The following CDH4 variants were observed in gnomAD, a reference collection of about 807,000 sequenced individuals.
The protein encoded by CDH4 is cadherin 4, also known as cadherin-4.
CDH4 carries 33 observed loss-of-function variants against 86.0 expected under a neutral mutation model. That is an observed-to-expected ratio of 0.38 (90% confidence interval 0.29 to 0.51). The LOEUF (loss-of-function observed/expected upper bound fraction) is 0.51. Ranked by LOEUF, CDH4 falls within the 20% of genes least tolerant of loss-of-function variation. The pLI is 0.86. For synonymous variants in CDH4, 555 were observed against 549.4 expected (o/e 1.01, Z -0.14); for missense variants, 1,114 against 1,307.4 (o/e 0.85, Z 2.28).
At chr20:61,403,555 A>G (rs771748128) in intron 2 of CDH4, among the ~76,000 whole-genome samples, 6 of 152,064 alleles carry the variant, frequency 3.9e-5, no homozygotes, top group Non-Finnish European at 8.8e-5. Context: ...CTCAAATCAA[A>G]TCATCGTGGA....
intron 2 of CDH4, among the ~76,000 whole-genome samples, chr20:61,364,380 C>T (rs994167376): frequency 1.3e-5 from 2 of 152,186 alleles, no homozygotes; most frequent in Non-Finnish European, 2.9e-5. Context: ...CCTCACACCC[C>T]GAGATCAGGC....
At chr20:61,318,247 C>G (rs956111448) in intron 2 of CDH4, among the ~76,000 whole-genome samples, 2 of 152,198 alleles carry the variant, frequency 1.3e-5, no homozygotes, top group African/African-American at 4.8e-5. Context: ...CCGTATGTTC[C>G]TCTCCATCTG....
intron 2 of CDH4, among the ~76,000 whole-genome samples, chr20:61,589,205 T>C (rs1410875978): frequency 3.9e-5 from 6 of 152,224 alleles, no homozygotes; most frequent in Non-Finnish European, 8.8e-5. Flanking sequence ...CCAAATAGGC[T>C]TCCCAGAGTG....
chr20:61,663,284 G>A lies in CDH4; in HGVS notation c.170-80279G>A, dbSNP rs531977977. Among the ~76,000 whole-genome samples, 9 of 152,338 alleles carry A rather than the reference G, an allele frequency of 5.9e-5. No individual in the cohort carries two copies. The highest frequency in any genetic ancestry group is 4.1e-4 in the South Asian group (2 of 4,822). On this transcript the variant is annotated intron_variant, in intron 2 of 15. Transcript: ENST00000614565. The surrounding 1 kb of genome is among the most constrained non-coding windows in gnomAD (Gnocchi z 5.0). ...TGGCGCCCACGACAAATGAGTCCAC[G>A]CAGGAAAGGAGTGGCACCCGCAGGA...
chr20:61,724,584 G>A (rs1162058140), intron 2 of CDH4, among the ~76,000 whole-genome samples: 1 of 152,192 alleles, frequency 6.6e-6, no homozygotes, highest in African/African-American at 2.4e-5. Flanking sequence ...AGAGATGAGG[G>A]TGTCTCCTGC....
chr20:61,900,117 G>GT (rs1985319576), intron 8 of CDH4, among the ~76,000 whole-genome samples: 1 of 152,200 alleles, frequency 6.6e-6, no homozygotes, highest in African/African-American at 2.4e-5. Context: ...CAGCGGGGGG[G>GT]ACTGGCTGGG....
intron 2 of CDH4, among the ~76,000 whole-genome samples, chr20:61,616,708 C>A (rs1464206153): frequency 2.0e-5 from 3 of 152,224 alleles, no homozygotes; most frequent in Non-Finnish European, 4.4e-5. Flanking sequence ...TCTCTCCATT[C>A]TTGCTCTTCC....
intron 2 of CDH4, chr20:61,570,440 G>A (rs1166442833): frequency 1.9e-6 from 1 of 538,058 alleles, no homozygotes; most frequent in East Asian, 3.1e-5. Context: ...CCCTGGTGCT[G>A]CCTTGAGCTT....
intron 4 of CDH4, among the ~76,000 whole-genome samples, chr20:61,790,002 G>T (rs145572763): frequency 1.3e-4 from 20 of 152,092 alleles, no homozygotes; most frequent in African/African-American, 4.6e-4. Flanking sequence ...AAAGTATGAC[G>T]GGGTGAACAG....
At chr20:61,672,035 G>A (rs555478224) in intron 2 of CDH4, among the ~76,000 whole-genome samples, 1 of 139,922 alleles carries the variant, frequency 7.1e-6, no homozygotes, top group South Asian at 2.7e-4. Flanking sequence ...ATGGGTGGAT[G>A]GGTGGATAGA....
At chr20:61,691,933 C>G (rs2087660067) in intron 2 of CDH4, among the ~76,000 whole-genome samples, 1 of 152,234 alleles carries the variant, frequency 6.6e-6, no homozygotes, top group Non-Finnish European at 1.5e-5. Flanking sequence ...GCACCCATGA[C>G]AGCCTACTGA....
intron 4 of CDH4, among the ~76,000 whole-genome samples, chr20:61,836,085 C>A (rs1326962334): frequency 6.6e-6 from 1 of 152,248 alleles, no homozygotes; most frequent in Non-Finnish European, 1.5e-5. Flanking sequence ...CCACACTGGA[C>A]TCATTCTTGA....
At chr20:61,821,121 C>G (rs73307824) in intron 4 of CDH4, among the ~76,000 whole-genome samples, 8 of 151,378 alleles carry the variant, frequency 5.3e-5, no homozygotes, top group Non-Finnish European at 1.2e-4. Flanking sequence ...TACCCAGCCT[C>G]CACCTCCCAG....
At chr20:61,713,273 A>G (rs749395483) in intron 2 of CDH4, among the ~76,000 whole-genome samples, 2 of 152,152 alleles carry the variant, frequency 1.3e-5, no homozygotes, top group Non-Finnish European at 2.9e-5. Context: ...TTGGAGATGC[A>G]CTTTGCAATG....
At chr20:61,450,375 GA>G (rs975301356) in intron 2 of CDH4, among the ~76,000 whole-genome samples, 1 of 152,148 alleles carries the variant, frequency 6.6e-6, no homozygotes, top group African/African-American at 2.4e-5. Flanking sequence ...CAGGGAAATA[GA>G]AACAGTTCTC....
At chr20:61,259,765 A>G (rs1001152678) in intron 2 of CDH4, among the ~76,000 whole-genome samples, 3 of 152,166 alleles carry the variant, frequency 2.0e-5, no homozygotes, top group African/African-American at 2.4e-5. Flanking sequence ...ATTTACACCA[A>G]TGTGGCAATG....
At chr20:61,300,610 C>T (rs1241637385) in intron 2 of CDH4, among the ~76,000 whole-genome samples, 1 of 152,176 alleles carries the variant, frequency 6.6e-6, no homozygotes, top group African/African-American at 2.4e-5. Flanking sequence ...GGACCCGTCT[C>T]CCGGGTCTGT....
At chr20:61,299,307 G>A (rs925707362) in intron 2 of CDH4, among the ~76,000 whole-genome samples, 2 of 152,228 alleles carry the variant, frequency 1.3e-5, no homozygotes, top group African/African-American at 4.8e-5. Flanking sequence ...GATGGTGAGG[G>A]CTCCTCCCAA....
At chr20:61,650,436 T>C (rs904385376) in intron 2 of CDH4, among the ~76,000 whole-genome samples, 4 of 152,260 alleles carry the variant, frequency 2.6e-5, no homozygotes, top group Non-Finnish European at 5.9e-5. Flanking sequence ...TATAAGTTCA[T>C]ATGCATAAGA....
Sources: allele counts gnomAD v4.1 joint callset (sites outside exome capture counted in the v4.1 genomes callset), GRCh38; gene constraint gnomAD v4.1.1; non-coding constraint Gnocchi (gnomAD v3.1); transcripts MANE v1.5; gene names NCBI Gene and HGNC (gene_info 2026-07-23, HGNC 2026-07-21).